Variants in LRRC4C observed in about 807,000 individuals in gnomAD.
LRRC4C encodes leucine-rich repeat-containing protein 4C.
A neutral mutation model predicts 33.6 loss-of-function variants in LRRC4C; 5 were observed. The observed-to-expected ratio is 0.15, with a 90% CI of 0.08 to 0.31. LRRC4C has a LOEUF of 0.31. LRRC4C is among the 10% of genes least tolerant of loss of function. The probability of loss-of-function intolerance (pLI) is 1.00; values close to 1 mark genes in which losing one functional copy is unlikely to be tolerated. For missense variants in LRRC4C, 560 were observed against 796.7 expected (o/e 0.70, Z 3.58); for synonymous variants, 329 against 302.0 (o/e 1.09, Z -0.93).
At chr11:40,986,837 T>C (rs978709803) in intron 1 of LRRC4C, among the ~76,000 whole-genome samples, 8 of 152,206 alleles carry the variant, frequency 5.3e-5, no homozygotes, top group African/African-American at 1.9e-4. Context: ...AAATATTTAA[T>C]ATTTTCTTTG....
At chr11:40,574,063 A>T (rs1958085534) in intron 3 of LRRC4C, among the ~76,000 whole-genome samples, 1 of 152,194 alleles carries the variant, frequency 6.6e-6, no homozygotes, top group African/African-American at 2.4e-5. Context: ...AGAGTGTGAG[A>T]TAGTATATGT....
intron 6 of LRRC4C, among the ~76,000 whole-genome samples, chr11:40,117,527 C>T (rs1287792878): frequency 2.6e-5 from 4 of 152,104 alleles, no homozygotes; most frequent in Non-Finnish European, 5.9e-5. Flanking sequence ...AGGAAAATAA[C>T]TCATCTCCTG....
intron 4 of LRRC4C, among the ~76,000 whole-genome samples, chr11:40,316,389 T>C (rs1044368876): frequency 3.9e-5 from 6 of 152,034 alleles, no homozygotes; most frequent in South Asian, 2.1e-4. Context: ...ACTTTACTTG[T>C]TCCAATCTGT....
chr11:41,022,139 G>A (rs1204004256), intron 1 of LRRC4C, among the ~76,000 whole-genome samples: 1 of 106,750 alleles, frequency 9.4e-6, no homozygotes, highest in Non-Finnish European at 2.1e-5. Flanking sequence ...TTACAATTTT[G>A]TTTTATATAT....
At chr11:41,151,296 A>T (rs980841789) in intron 1 of LRRC4C, among the ~76,000 whole-genome samples, 8 of 152,178 alleles carry the variant, frequency 5.3e-5, no homozygotes, top group African/African-American at 1.9e-4. Flanking sequence ...ATCCTTATTA[A>T]GGTTGATTAT....
At chr11:40,984,830 TA>T (rs946425930) in intron 1 of LRRC4C, among the ~76,000 whole-genome samples, 2 of 138,270 alleles carry the variant, frequency 1.4e-5, no homozygotes, top group Admixed American at 7.5e-5. Flanking sequence ...ATGATTGGTA[TA>T]AAAAAAACTT....
chr11:41,335,899 C>A (rs1951436867), intron 1 of LRRC4C, among the ~76,000 whole-genome samples: 1 of 152,164 alleles, frequency 6.6e-6, no homozygotes, highest in Admixed American at 6.5e-5. Context: ...GCATGGCATC[C>A]ATATTTGTAT....
chr11:40,552,307 G>A (rs72885181), intron 3 of LRRC4C, among the ~76,000 whole-genome samples: 4,612 of 152,270 alleles, frequency 0.03, 178 homozygotes, highest in African/African-American at 0.094. Context: ...AGAGGTTAAG[G>A]AACTGGCTTG....
chr11:41,214,786 T>TACAC (rs1946979210), intron 1 of LRRC4C, among the ~76,000 whole-genome samples: 1 of 144,346 alleles, frequency 6.9e-6, no homozygotes, highest in Non-Finnish European at 1.5e-5. Flanking sequence ...CACACATATA[T>TACAC]ATATGTGTGT....
intron 2 of LRRC4C, among the ~76,000 whole-genome samples, chr11:40,832,394 A>G (rs998607545): frequency 2.0e-5 from 3 of 152,232 alleles, no homozygotes; most frequent in African/African-American, 7.2e-5. Flanking sequence ...TTATAATTAA[A>G]CAAATGTAAA....
At chr11:40,760,937 C>G (rs375314725) in intron 2 of LRRC4C, among the ~76,000 whole-genome samples, 1 of 149,080 alleles carries the variant, frequency 6.7e-6, no homozygotes, top group South Asian at 2.1e-4. Context: ...AGTTTCTGGT[C>G]TCAAACTCCT....
At chr11:40,382,780 GC>G (rs1948941903) in intron 3 of LRRC4C, among the ~76,000 whole-genome samples, 2 of 132,000 alleles carry the variant, frequency 1.5e-5, no homozygotes, top group South Asian at 5.2e-4. Flanking sequence ...TGCAAGCTCC[GC>G]CCCCAGGGTT....
chr11:41,423,396 C>T (rs576863311), intron 1 of LRRC4C, among the ~76,000 whole-genome samples: 5 of 152,042 alleles, frequency 3.3e-5, no homozygotes, highest in Non-Finnish European at 7.4e-5. Context: ...TGATCCTTAA[C>T]CTTTTCCTTC....
chr11:41,276,409 T>C (rs1358269205), intron 1 of LRRC4C, among the ~76,000 whole-genome samples: 1 of 152,174 alleles, frequency 6.6e-6, no homozygotes, highest in Admixed American at 6.6e-5. Flanking sequence ...CTACTTCTTA[T>C]GCTATTCAAC....
chr11:40,838,843 A>G (rs1952793006), intron 2 of LRRC4C, among the ~76,000 whole-genome samples: 2 of 152,068 alleles, frequency 1.3e-5, no homozygotes, highest in African/African-American at 4.8e-5. Context: ...GCCATCTCTT[A>G]TAATTATTAT....
chr11:40,780,426 A>G (rs2137267237), intron 2 of LRRC4C, among the ~76,000 whole-genome samples: 1 of 152,302 alleles, frequency 6.6e-6, no homozygotes, highest in African/African-American at 2.4e-5. Flanking sequence ...CTAAGATGAC[A>G]AAGCAGGAAT....
At chr11:41,155,358 T>G (rs1427101590) in intron 1 of LRRC4C, among the ~76,000 whole-genome samples, 4 of 152,146 alleles carry the variant, frequency 2.6e-5, no homozygotes, top group Non-Finnish European at 5.9e-5. Context: ...TTACACAGAT[T>G]GTATGGTTAT....
At chr11:40,352,350 A>G (rs1400156227) in intron 3 of LRRC4C, among the ~76,000 whole-genome samples, 1 of 152,102 alleles carries the variant, frequency 6.6e-6, no homozygotes, top group Non-Finnish European at 1.5e-5. Context: ...ACTAATTGCA[A>G]TAACAAACAA....
At chr11:40,406,021 A>T (rs1432634234) in intron 3 of LRRC4C, among the ~76,000 whole-genome samples, 1 of 152,074 alleles carries the variant, frequency 6.6e-6, no homozygotes, top group East Asian at 1.9e-4. Flanking sequence ...ATCTCTTTAT[A>T]AAAGTATCTT....
Sources: allele counts gnomAD v4.1 joint callset (sites outside exome capture counted in the v4.1 genomes callset), GRCh38; gene constraint gnomAD v4.1.1; transcripts MANE v1.5; gene names NCBI Gene and HGNC (gene_info 2026-07-23, HGNC 2026-07-21).